DIAPH2: variants seen among roughly 807,000 people sequenced by gnomAD.
The protein encoded by DIAPH2 is diaphanous related formin 2, also known as protein diaphanous homolog 2.
In DIAPH2, 35 loss-of-function variants were observed where a neutral mutation model predicts 92.7. That is an observed-to-expected ratio of 0.38 (90% confidence interval 0.29 to 0.50). The LOEUF is 0.50. Ranked by LOEUF, DIAPH2 falls within the 20% of genes least tolerant of loss-of-function variation. The pLI, the probability that DIAPH2 is intolerant of heterozygous loss-of-function variation, is 0.94. For synonymous variants in DIAPH2, 301 were observed against 280.4 expected (o/e 1.07, Z -0.73); for missense variants, 701 against 819.5 (o/e 0.86, Z 1.77).
chrX:97,097,400 G>A (rs2066876863), intron 19 of DIAPH2, among the ~76,000 whole-genome samples: 1 of 111,839 alleles, frequency 8.9e-6, no homozygotes, highest in Non-Finnish European at 1.9e-5. Context: ...AAACTCATAA[G>A]ATGATATTCA....
At chrX:96,817,244 C>T (rs2064743247) in intron 4 of DIAPH2, among the ~76,000 whole-genome samples, 1 of 111,566 alleles carries the variant, frequency 9.0e-6, no homozygotes, top group Non-Finnish European at 1.9e-5. Context: ...TTGTTTGTAA[C>T]ACAAAAGATA....
intron 24 of DIAPH2, among the ~76,000 whole-genome samples, chrX:97,369,096 C>A (rs2069415850): frequency 9.2e-6 from 1 of 109,012 alleles, no homozygotes; most frequent in Non-Finnish European, 1.9e-5. Context: ...TTATTAGAGA[C>A]AAGTTTTCTC....
rs777281241 is a variant in DIAPH2, at chrX:97,521,615, A to T, written c.3242-77638A>T. On this transcript the variant is annotated intron_variant, in intron 26 of 26. Transcript: ENST00000324765. ...CGGTGGTTTCCTCCATGCTATTCTC[A>T]GGATAGTATGTTCTCAGGAGATCTG... Among the ~76,000 whole-genome samples the T allele has an allele frequency of 8.6e-4, 96 of 111,303 alleles. 2 individuals are homozygous for T. In the Middle Eastern group the frequency reaches 0.023, roughly 27 times the overall value.
intron 19 of DIAPH2, among the ~76,000 whole-genome samples, chrX:97,097,328 G>A (rs2147360432): frequency 8.9e-6 from 1 of 112,030 alleles, no homozygotes; most frequent in East Asian, 2.8e-4. Context: ...GCACATTTGA[G>A]AGTGAGTTTT....
intron 5 of DIAPH2, among the ~76,000 whole-genome samples, chrX:96,889,972 G>A (rs963783290): frequency 8.9e-6 from 1 of 112,141 alleles, no homozygotes; most frequent in Admixed American, 9.5e-5. Context: ...TTTACTTTGA[G>A]TGAGCTGGGA....
chrX:96,915,348 C>A (rs747863516), intron 7 of DIAPH2, among the ~76,000 whole-genome samples: 53 of 110,083 alleles, frequency 4.8e-4, no homozygotes, highest in Non-Finnish European at 9.3e-4. Context: ...CTACTGGCCA[C>A]CTTTATACAT....
intron 23 of DIAPH2, among the ~76,000 whole-genome samples, chrX:97,253,806 T>C (rs1312334988): frequency 8.9e-6 from 1 of 111,946 alleles, no homozygotes; most frequent in Non-Finnish European, 1.9e-5. Flanking sequence ...TAAACTGTTA[T>C]GAAAGAAAAT....
At chrX:97,427,377 C>T (rs184584348) in intron 25 of DIAPH2, among the ~76,000 whole-genome samples, 2 of 111,457 alleles carry the variant, frequency 1.8e-5, no homozygotes, top group Admixed American at 9.5e-5. Flanking sequence ...TTCATTTCAA[C>T]TTCTTCCAGC....
intron 17 of DIAPH2, among the ~76,000 whole-genome samples, chrX:96,977,159 A>G (rs903449125): frequency 8.9e-6 from 1 of 111,987 alleles, no homozygotes; most frequent in African/African-American, 3.2e-5. Flanking sequence ...ATAGTTCCAC[A>G]TATATTGTAT....
intron 3 of DIAPH2, among the ~76,000 whole-genome samples, chrX:96,747,581 A>G (rs1322295392): frequency 1.8e-5 from 2 of 112,258 alleles, no homozygotes; most frequent in East Asian, 5.5e-4. Flanking sequence ...TAGAACTCTC[A>G]TAAGTAATCC....
intron 9 of DIAPH2, among the ~76,000 whole-genome samples, chrX:96,924,823 C>T (rs2065569356): frequency 9.1e-6 from 1 of 110,397 alleles, no homozygotes; most frequent in Admixed American, 9.6e-5. Flanking sequence ...CACTGAGTAT[C>T]ACAAGAATAG....
At chrX:97,019,450 CTTCTGACCTCACCACCCAATACA>C (rs1569280658) in intron 17 of DIAPH2, among the ~76,000 whole-genome samples, 1 of 110,807 alleles carries the variant, frequency 9.0e-6, no homozygotes, top group East Asian at 2.8e-4. Context: ...ATAGTAAGTA[CTTCTGACCTCACCACCCAATACA>C]AAATCTAGAT....
chrX:97,145,310 A>AGTAGTAGTG (rs2067238381), intron 22 of DIAPH2, among the ~76,000 whole-genome samples: 1 of 106,364 alleles, frequency 9.4e-6, no homozygotes, highest in South Asian at 4.1e-4. Flanking sequence ...TAGTAGTAGT[A>AGTAGTAGTG]GTAGTAGTAG....
intron 25 of DIAPH2, among the ~76,000 whole-genome samples, chrX:97,386,870 G>A (rs933473869): frequency 8.5e-5 from 9 of 105,704 alleles, no homozygotes; most frequent in Admixed American, 7.2e-4. Context: ...AGGTATACAC[G>A]TGCCATGGTA....
In DIAPH2 at chrX:96,814,076, G is replaced by C. The variant is rs778532717; in HGVS notation, c.447+55818G>C. ...CTGAATTTGAATGTTGGCCTGACTT[G>C]CTAGTTTGGGGAAGTTCTCCTGGAT... On this transcript the variant is annotated intron_variant, in intron 4 of 26. Transcript: ENST00000324765. Among the ~76,000 whole-genome samples the C allele has an allele frequency of 7.2e-5, 8 of 111,512 alleles. No individual in the cohort carries two copies. In the South Asian group the frequency reaches 3.1e-3, roughly 43 times the overall value.
At chrX:96,760,095 T>C (rs370816160) in intron 4 of DIAPH2, among the ~76,000 whole-genome samples, 1 of 111,400 alleles carries the variant, frequency 9.0e-6, no homozygotes, top group African/African-American at 3.2e-5. Context: ...ACCTGAAATA[T>C]GCACAGCACT....
intron 4 of DIAPH2, among the ~76,000 whole-genome samples, chrX:96,778,152 G>A (rs1304002575): frequency 9.3e-6 from 1 of 107,061 alleles, no homozygotes; most frequent in East Asian, 3.0e-4. Flanking sequence ...TTGTCCTTGC[G>A]ATAGTTTGCT....
chrX:96,783,047 C>T (rs181464495), intron 4 of DIAPH2, among the ~76,000 whole-genome samples: 19 of 111,880 alleles, frequency 1.7e-4, no homozygotes, highest in East Asian at 2.8e-4. Context: ...TCAATGCGTA[C>T]GATCAGTGAA....
intron 22 of DIAPH2, among the ~76,000 whole-genome samples, chrX:97,172,061 C>T (rs1477093127): frequency 1.8e-5 from 2 of 111,701 alleles, no homozygotes; most frequent in Non-Finnish European, 3.8e-5. Context: ...CAAATAAACA[C>T]AATCTCATTT....
Sources: allele counts gnomAD v4.1 joint callset (sites outside exome capture counted in the v4.1 genomes callset), GRCh38; gene constraint gnomAD v4.1.1; transcripts MANE v1.5; gene names NCBI Gene and HGNC (gene_info 2026-07-23, HGNC 2026-07-21).